ZNF730: variants seen among roughly 807,000 people sequenced by gnomAD.
ZNF730 encodes putative zinc finger protein 730.
ZNF730 carries 12 observed loss-of-function variants against 12.6 expected under a neutral mutation model. The observed-to-expected ratio is 0.95, with a 90% CI of 0.61 to 1.54. The LOEUF (loss-of-function observed/expected upper bound fraction) is 1.54. ZNF730 is among the 40% of genes most tolerant of loss of function. The pLI is 0.00. For synonymous variants in ZNF730, 194 were observed against 195.8 expected, an observed-to-expected ratio of 0.99 and a Z score of 0.08; for missense variants, 643 against 583.5, an observed-to-expected ratio of 1.10 and a Z score of -1.05.
chr19:23,124,591 A>G (rs2145620566), intron 1 of ZNF730, among the ~76,000 whole-genome samples: 1 of 152,306 alleles, frequency 6.6e-6, no homozygotes, highest in Middle Eastern at 3.4e-3. Context: ...GAAACATTTG[A>G]GAATATCCAG....
At chr19:23,076,983 A>G (rs756990503) in intron 1 of ZNF730, among the ~76,000 whole-genome samples, 1 of 152,196 alleles carries the variant, frequency 6.6e-6, no homozygotes, top group Non-Finnish European at 1.5e-5. Context: ...TGGTACATAT[A>G]CACCATGGGA....
At chr19:23,089,173 T>G (rs1410354591) in intron 1 of ZNF730, among the ~76,000 whole-genome samples, 3 of 151,924 alleles carry the variant, frequency 2.0e-5, no homozygotes, top group Admixed American at 2.0e-4. Context: ...GCCTGGCTGA[T>G]TATGTGGTTT....
chr19:23,136,665 A>G (rs369067669), intron 3 of ZNF730, among the ~76,000 whole-genome samples: 17 of 150,422 alleles, frequency 1.1e-4, no homozygotes, highest in African/African-American at 3.7e-4. Context: ...ATTTTTCTGC[A>G]TATTCCATGC....
chr19:23,107,127 T>G (rs1223879442), intron 1 of ZNF730, among the ~76,000 whole-genome samples: 3 of 150,672 alleles, frequency 2.0e-5, no homozygotes, highest in Admixed American at 6.7e-5. Context: ...CAGTGGTGCA[T>G]TCCTGGCTCA....
intron 1 of ZNF730, among the ~76,000 whole-genome samples, 159 bp from the exon 2 acceptor site, chr19:23,133,919 TCA>T (rs777586730): frequency 1.4e-4 from 21 of 152,248 alleles, no homozygotes; most frequent in Non-Finnish European, 2.5e-4. Flanking sequence ...GAGTATATTT[TCA>T]CAGAGTAGAG....
chr19:23,143,030 G>T (rs1179253779), intron 3 of ZNF730, among the ~76,000 whole-genome samples: 1 of 151,960 alleles, frequency 6.6e-6, no homozygotes, highest in African/African-American at 2.4e-5. Flanking sequence ...GGATCATGAG[G>T]TCAGGAGATC....
chr19:23,119,300 T>A (rs539034899), intron 1 of ZNF730, among the ~76,000 whole-genome samples: 10 of 152,236 alleles, frequency 6.6e-5, no homozygotes, highest in Non-Finnish European at 1.3e-4. Context: ...TTTTGTGGTT[T>A]TTATCTGTAG....
intron 1 of ZNF730, among the ~76,000 whole-genome samples, chr19:23,083,478 C>T (rs1246593620): frequency 6.6e-6 from 1 of 151,988 alleles, no homozygotes; most frequent in Non-Finnish European, 1.5e-5. Context: ...CATATAGTAG[C>T]TCTATTTTTA....
rs1970785934 is a variant in ZNF730, at chr19:23,134,135, G to A, written c.59G>A (p.Cys20Tyr). Residue 20 changes from cysteine (C) to tyrosine (Y), a missense_variant, in exon 2 of 4, where the codon TGT becomes TAT. Coordinates refer to ENST00000597761, the MANE Select transcript of ZNF730 (RefSeq NM_001277403.2). ...AIEFSLEEWQ[C>Y]LDTEQQNLYR... ...GAATTCTCTCTGGAGGAGTGGCAAT[G>A]TCTGGACACCGAACAACAGAATTTA... 2 of 1,613,516 alleles carry A rather than the reference G, an allele frequency of 1.2e-6. No homozygotes were observed. Among genetic ancestry groups the A allele is most frequent in the Non-Finnish European group, 1.7e-6 (2 of 1,179,750 alleles).
At chr19:23,135,087 T>TG (rs976793028) in intron 2 of ZNF730, among the ~76,000 whole-genome samples, 178 of 138,192 alleles carry the variant, frequency 1.3e-3, no homozygotes, top group African/African-American at 4.7e-3. Context: ...ACAAACACTG[T>TG]GGAAGGCCGC....
chr19:23,123,981 A>T (rs1000641790), intron 1 of ZNF730: 2 of 152,026 alleles, frequency 1.3e-5, no homozygotes, highest in Non-Finnish European at 2.9e-5. Context: ...ACCCTTATAA[A>T]TAGAAACTGA....
chr19:23,116,264 G>A (rs943823232), upstream of ZNF730, among the ~76,000 whole-genome samples: 3 of 148,024 alleles, frequency 2.0e-5, no homozygotes, highest in African/African-American at 7.6e-5. Flanking sequence ...AAGAAAGGTG[G>A]TCACCAGATA....
intron 3 of ZNF730, 139 bp downstream of exon 3, chr19:23,136,182 TTTTA>T (rs1176380020): frequency 6.5e-6 from 4 of 612,078 alleles, no homozygotes; most frequent in Non-Finnish European, 7.0e-6. Context: ...TTATTTTGCT[TTTTA>T]TTTATTTTTT....
At chr19:23,143,226 C>G (rs1482710544) in intron 3 of ZNF730, among the ~76,000 whole-genome samples, 1 of 150,748 alleles carries the variant, frequency 6.6e-6, no homozygotes, top group Non-Finnish European at 1.5e-5. Context: ...GCCTGGGGGA[C>G]AGAGCGAGAC....
At chr19:23,103,150 A>G (rs577645057) in intron 1 of ZNF730, among the ~76,000 whole-genome samples, 1 of 152,310 alleles carries the variant, frequency 6.6e-6, no homozygotes, top group Non-Finnish European at 1.5e-5. Flanking sequence ...TGAAATCATG[A>G]GTCATTTCTA....
At chr19:23,106,372 A>G (rs1237142177) in intron 1 of ZNF730, among the ~76,000 whole-genome samples, 1 of 152,150 alleles carries the variant, frequency 6.6e-6, no homozygotes, top group Non-Finnish European at 1.5e-5. Context: ...CAGAGAATAA[A>G]TTTTCCTCTG....
Position 23,120,898 on chromosome 19 carries a change from C to T in ZNF730, c.3+3722C>T, listed in dbSNP as rs769539102. 1.4e-3 allele frequency among the ~76,000 whole-genome samples: 213 copies of T among 152,244 alleles called. 2 individuals are homozygous for T. Among genetic ancestry groups the T allele is most frequent in the Non-Finnish European group, 2.3e-3 (155 of 68,018 alleles). Reference sequence around the variant, plus strand: ...TTGCAGAGATTCTAGTATGTTGTATCTTTGTTCCCATTTGTTTCAAAAAAC... The same window carrying T: ...TTGCAGAGATTCTAGTATGTTGTATTTTTGTTCCCATTTGTTTCAAAAAAC... On this transcript the variant is annotated intron_variant, in intron 1 of 3. Transcript: ENST00000597761.
chr19:23,111,544 C>T (rs1462698288), intron 1 of ZNF730, among the ~76,000 whole-genome samples: 1 of 151,948 alleles, frequency 6.6e-6, no homozygotes, highest in Non-Finnish European at 1.5e-5. Flanking sequence ...GTCAGGAGTT[C>T]AAGACCAGCC....
At chr19:23,115,700 AGAAGCTTACCCCCAGAAG>A (rs1302665823), upstream of ZNF730, among the ~76,000 whole-genome samples, 17 of 28,308 alleles carry the variant, frequency 6.0e-4, no homozygotes, top group South Asian at 0.043. Context: ...CCCCAGAAGC[AGAAGCTTACCCCCAGAAG>A]CACAGCTTCC....
Sources: gnomAD v4.1 joint callset for allele counts (sites outside exome capture counted in the v4.1 genomes callset) on GRCh38, gnomAD v4.1.1 for gene constraint, MANE v1.5 for transcripts, NCBI Gene and HGNC (gene_info 2026-07-23, HGNC 2026-07-21) for gene names.